DOP1B: variants seen among roughly 807,000 people sequenced by gnomAD.
DOP1B encodes DOP1 leucine zipper like protein B, also known as protein DOP1B.
A neutral mutation model predicts 233.5 loss-of-function variants in DOP1B; 174 were observed. The ratio of observed to expected loss-of-function variants is 0.75; its 90% CI spans 0.66 to 0.85. The LOEUF (loss-of-function observed/expected upper bound fraction) is 0.85, where lower values mean the gene tolerates loss of function less well. Among genes scored for constraint, DOP1B ranks in the 40% least tolerant of loss-of-function variants. The probability of loss-of-function intolerance (pLI) is 0.00; values close to 1 mark genes in which losing one functional copy is unlikely to be tolerated. For synonymous variants in DOP1B, 1,190 were observed against 1,185.6 expected (o/e 1.00, Z -0.08); for missense variants, 2,652 against 2,846.6 (o/e 0.93, Z 1.56).
At chr21:36,292,256 C>CTTTTTTTTTT (rs55884666) in intron 36 of DOP1B, 23 bp downstream of exon 36, 17 of 1,335,504 alleles carry the variant, frequency 1.3e-5, no homozygotes, top group Admixed American at 5.5e-5. Flanking sequence ...CTTTTCTTTT[C>CTTTTTTTTTT]TTTTTTTTTT....
intron 23 of DOP1B, among the ~76,000 whole-genome samples, chr21:36,255,365 A>G (rs1167509099): frequency 1.3e-5 from 2 of 149,738 alleles, no homozygotes; most frequent in African/African-American, 4.9e-5. Context: ...CTGGTCTTGA[A>G]CTCCACTTGC....
intron 24 of DOP1B, chr21:36,261,807 A>T (rs1043767348): frequency 1.5e-4 from 80 of 520,344 alleles, no homozygotes; most frequent in Non-Finnish European, 1.9e-4. Flanking sequence ...GCTACTCGGG[A>T]AGCTGAGGCA....
chr21:36,250,181 G>A (rs1249254692), intron 21 of DOP1B, among the ~76,000 whole-genome samples: 1 of 152,204 alleles, frequency 6.6e-6, no homozygotes, highest in African/African-American at 2.4e-5. Context: ...TCCCTCTAGA[G>A]CAGAAGCCAT....
chr21:36,280,337 G>T lies in DOP1B; in HGVS notation c.6022G>T (p.Asp2008Tyr), dbSNP rs758788815. ...LLTHEKTMFK[D>Y]LMNMQSSSLK... is the part of the protein sequence containing the mutation. ...GACTCATGAGAAAACAATGTTTAAG[G>T]ATTTAATGAGTAAGTTCTGTGTTAC... The change falls in exon 31 of 37, where the codon GAT becomes TAT. Residue 2008 changes from aspartate (D) to tyrosine (Y), a missense_variant. By Grantham distance (160) the Asp-to-Tyr change is radical. Around this residue, in one of 3 missense-constraint regions of DOP1B, gnomAD observed 2,617 missense variants for 2,794.3 expected, o/e 0.94. Coordinates refer to ENST00000691173, the MANE Select transcript of DOP1B (RefSeq NM_001320714.2). The T allele has an allele frequency of 6.2e-7, 1 of 1,605,238 alleles. No individual in the cohort carries two copies. Among genetic ancestry groups the T allele is most frequent in the Admixed American group, 1.7e-5 (1 of 59,448 alleles).
chr21:36,227,612 T>C, intron 12 of DOP1B, 74 bp from the exon 13 acceptor site: 1 of 1,275,270 alleles, frequency 7.8e-7, no homozygotes, highest in Non-Finnish European at 1.1e-6. Flanking sequence ...TTGAATTAGA[T>C]GCCATTTTGA....
chr21:36,259,402 C>T (rs112828776), intron 23 of DOP1B, among the ~76,000 whole-genome samples: 7,899 of 152,058 alleles, frequency 0.052, 246 homozygotes, highest in African/African-American at 0.092. Flanking sequence ...TCCTGAGTAG[C>T]TGGGATTACA....
At chr21:36,204,217 G>A (rs1299746349) in intron 4 of DOP1B, among the ~76,000 whole-genome samples, 1 of 152,156 alleles carries the variant, frequency 6.6e-6, no homozygotes, top group Non-Finnish European at 1.5e-5. Flanking sequence ...CAGGTGCCCC[G>A]ACAACAAAGA....
intron 26 of DOP1B, among the ~76,000 whole-genome samples, chr21:36,265,702 T>G (rs2067222803): frequency 6.6e-6 from 1 of 152,150 alleles, no homozygotes; most frequent in African/African-American, 2.4e-5. Flanking sequence ...GGCATCTGCT[T>G]CTTTCTGTCT....
intron 26 of DOP1B, among the ~76,000 whole-genome samples, chr21:36,268,988 C>T (rs1719070891): frequency 6.6e-6 from 1 of 151,858 alleles, no homozygotes; most frequent in Non-Finnish European, 1.5e-5. Context: ...TTGATTGCAC[C>T]ACTACACTCC....
intron 20 of DOP1B, among the ~76,000 whole-genome samples, 158 bp downstream of exon 20, chr21:36,247,786 G>A (rs1295104277): frequency 3.3e-5 from 5 of 152,230 alleles, no homozygotes; most frequent in Admixed American, 6.5e-5. Context: ...CATAAGTCAC[G>A]TACACACGTA....
At chr21:36,251,644 C>T (rs1490749596) in intron 22 of DOP1B, among the ~76,000 whole-genome samples, 1 of 152,166 alleles carries the variant, frequency 6.6e-6, no homozygotes, top group Non-Finnish European at 1.5e-5. Context: ...TGGTCTTGAA[C>T]TCCTGACCTC....
intron 2 of DOP1B, among the ~76,000 whole-genome samples, chr21:36,190,759 T>C (rs2066224468): frequency 1.3e-5 from 2 of 152,250 alleles, no homozygotes; most frequent in East Asian, 3.8e-4. Context: ...TCTCATATGA[T>C]ACGTATATTA....
chr21:36,290,167 C>T lies in DOP1B; in HGVS notation c.6515+961C>T, dbSNP rs371342761. On this transcript the variant is annotated intron_variant, in intron 35 of 36. Coordinates refer to ENST00000691173, the MANE Select transcript of DOP1B (RefSeq NM_001320714.2). ...TGTAGGATGGGATGTACGGGAACTA[C>T]TTTCTACTCCATTTTGCTGTGAACC... Among the ~76,000 whole-genome samples, 17 of 152,308 alleles carry T rather than the reference C, an allele frequency of 1.1e-4. No homozygotes were observed. The East Asian group carries it at 3.1e-3, about 28-fold the overall frequency.
At chr21:36,166,876 T>C (rs1410218790) in intron 2 of DOP1B, among the ~76,000 whole-genome samples, 1 of 152,190 alleles carries the variant, frequency 6.6e-6, no homozygotes, top group African/African-American at 2.4e-5. Flanking sequence ...CTGCTGGTCT[T>C]TTGCAAGGTA....
At chr21:36,234,870 G>A (rs887684914) in intron 15 of DOP1B, among the ~76,000 whole-genome samples, 15 of 150,936 alleles carry the variant, frequency 9.9e-5, no homozygotes, top group African/African-American at 3.2e-4. Context: ...ATGTAATATT[G>A]TATATATATA....
At chr21:36,225,322 C>T (rs763274848) in intron 11 of DOP1B, among the ~76,000 whole-genome samples, 2 of 151,876 alleles carry the variant, frequency 1.3e-5, no homozygotes, top group African/African-American at 2.4e-5. Flanking sequence ...CTCTGCCTCC[C>T]GGGTTCAAGT....
In DOP1B at chr21:36,246,232, C is replaced by G. The variant is rs61752464; in HGVS notation, c.4252C>G (p.Leu1418Val). Residue 1418 changes from leucine to valine, a missense_variant, in exon 19 of 37, where the codon CTC becomes GTC. Coordinates refer to ENST00000691173, the MANE Select transcript of DOP1B (RefSeq NM_001320714.2). This position sits in a 1 kb window ranked among gnomAD's most constrained non-coding sequence, Gnocchi z 5.1. ...HHGRALPEDS[L>V]FEESLINLGQ... is the part of the protein sequence containing the mutation. ...CGGCAGGGCCCTGCCAGAGGACAGC[C>G]TCTTTGAGGAGAGTCTCATTAACTT... 3,548 of 1,613,928 alleles carry G rather than the reference C, an allele frequency of 2.2e-3. 5 individuals carry two copies. Among genetic ancestry groups the G allele is most frequent in the Non-Finnish European group, 2.7e-3 (3,184 of 1,180,042 alleles).
rs376831109 is a variant in DOP1B, at chr21:36,211,537, G to A, written c.682-16G>A. On this transcript the variant is annotated splice_polypyrimidine_tract_variant and intron_variant, in intron 5 of 36. Coordinates refer to ENST00000691173, the MANE Select transcript of DOP1B (RefSeq NM_001320714.2). Reference sequence around the variant, plus strand: ...AGAGTAGCCTGAAAATGCTAGTGCCGTTTGATCGTTTACAGGTGAAGTCTT... The same window carrying A: ...AGAGTAGCCTGAAAATGCTAGTGCCATTTGATCGTTTACAGGTGAAGTCTT... 4.4e-5 allele frequency: 71 copies of A among 1,612,126 alleles called. No individual in the cohort carries two copies. The highest frequency in any genetic ancestry group is 1.6e-4 in the East Asian group (7 of 44,882).
intron 2 of DOP1B, among the ~76,000 whole-genome samples, chr21:36,178,835 G>A (rs1334009902): frequency 2.0e-5 from 3 of 152,138 alleles, no homozygotes; most frequent in Admixed American, 2.0e-4. Context: ...TAAACTGCAA[G>A]CATTTAGAAG....
Sources: gnomAD v4.1 joint callset for allele counts (sites outside exome capture counted in the v4.1 genomes callset) on GRCh38, gnomAD v4.1.1 for gene constraint, gnomAD v4.1.1 regional missense constraint, Gnocchi (gnomAD v3.1) non-coding constraint, MANE v1.5 for transcripts, NCBI Gene and HGNC (gene_info 2026-07-23, HGNC 2026-07-21) for gene names.